LRRC8D: variants seen among roughly 807,000 people sequenced by gnomAD.
LRRC8D encodes volume-regulated anion channel subunit LRRC8D.
LRRC8D carries 20 observed loss-of-function variants against 55.8 expected under a neutral mutation model. That is an observed-to-expected ratio of 0.36 (90% CI 0.25 to 0.52). The LOEUF is 0.52. Among genes scored for constraint, LRRC8D ranks in the 20% least tolerant of loss-of-function variants. The pLI is 0.93. For missense variants in LRRC8D, 651 were observed against 1,030.8 expected, an observed-to-expected ratio of 0.63 and a Z score of 5.05; for synonymous variants, 352 against 377.0, an observed-to-expected ratio of 0.93 and a Z score of 0.77.
rs940067571 is a variant in LRRC8D, at chr1:89,933,268, A to G, written c.200A>G (p.His67Arg). ...CCATCTCCTGTAAATTCAAAGGCAC[A>G]TACACCACCAGGAAATGCCGAGGTC... is the stretch of plus-strand genomic sequence containing the variant. ...VLPSPVNSKAHTPPGNAEVTT... is the reference protein window; with the variant it reads ...VLPSPVNSKARTPPGNAEVTT... The change falls in exon 3 of 3, where the codon CAT becomes CGT. Residue 67 changes from histidine (H) to arginine (R), a missense_variant. Around this residue, in one of 5 missense-constraint regions of LRRC8D, gnomAD observed 118 missense variants for 138.0 expected, o/e 0.85. Coordinates refer to ENST00000337338, the MANE Select transcript of LRRC8D (RefSeq NM_001134479.2). The surrounding 1 kb of genome is among the most constrained non-coding windows in gnomAD (Gnocchi z 7.0). 8.7e-6 allele frequency: 14 copies of G among 1,614,194 alleles called. No individual in the cohort carries two copies. The highest frequency in any genetic ancestry group is 2.2e-5 in the East Asian group (1 of 44,882).
intron 2 of LRRC8D, among the ~76,000 whole-genome samples, chr1:89,888,870 C>G (rs1450217470): frequency 6.6e-6 from 1 of 152,084 alleles, no homozygotes; most frequent in Non-Finnish European, 1.5e-5. Context: ...GAAATATGTA[C>G]CCATCCTGAT....
chr1:89,852,339 C>T (rs1661440926), intron 2 of LRRC8D, among the ~76,000 whole-genome samples: 1 of 152,150 alleles, frequency 6.6e-6, no homozygotes, highest in Non-Finnish European at 1.5e-5. Flanking sequence ...CCTCTGTGCT[C>T]CCCTTAGTAG....
chr1:89,917,131 C>G (rs1663292309), intron 2 of LRRC8D, among the ~76,000 whole-genome samples: 1 of 152,170 alleles, frequency 6.6e-6, no homozygotes, highest in Non-Finnish European at 1.5e-5. Context: ...AATAGAGACT[C>G]TAGGCTATTT....
intron 2 of LRRC8D, among the ~76,000 whole-genome samples, chr1:89,852,980 T>A (rs1415492549): frequency 6.6e-6 from 1 of 152,052 alleles, no homozygotes; most frequent in East Asian, 1.9e-4. Flanking sequence ...CATTGTGGAG[T>A]CATTAAAGGT....
intron 1 of LRRC8D, among the ~76,000 whole-genome samples, chr1:89,840,964 AG>A (rs1362549892): frequency 6.6e-6 from 1 of 152,234 alleles, no homozygotes; most frequent in Non-Finnish European, 1.5e-5. Flanking sequence ...AATAATTGAC[AG>A]GGTTTTTAAA....
chr1:89,851,321 A>T (rs996785634), intron 2 of LRRC8D, among the ~76,000 whole-genome samples: 12 of 152,086 alleles, frequency 7.9e-5, no homozygotes, highest in African/African-American at 2.9e-4. Context: ...TCTCTTTATT[A>T]TTGGGACAAC....
rs1386065199 is a variant in LRRC8D at position 89,934,864 on chromosome 1, T to G, written c.1796T>G (p.Leu599Trp). The change falls in exon 3 of 3, where the codon TTG (leucine) becomes TGG (tryptophan). Residue 599 changes from leucine (L) to tryptophan (W), a missense_variant. Coordinates refer to ENST00000337338, the MANE Select transcript of LRRC8D (RefSeq NM_001134479.2). This position sits in a 1 kb window ranked among gnomAD's most constrained non-coding sequence, Gnocchi z 5.9. ...HLKILHVKSN[L>W]TKVPSNITDV... is the part of the protein sequence containing the mutation. ...AAGATTCTCCACGTGAAGAGCAATT[T>G]GACCAAAGTTCCCTCCAACATTACA... is the stretch of plus-strand genomic sequence containing the variant. 1 of 1,614,178 alleles carries G rather than the reference T, an allele frequency of 6.2e-7. No homozygotes were observed. The highest frequency in any genetic ancestry group is 8.5e-7 in the Non-Finnish European group (1 of 1,180,032).
intron 2 of LRRC8D, among the ~76,000 whole-genome samples, chr1:89,923,528 G>C (rs1195990738): frequency 6.6e-6 from 1 of 152,082 alleles, no homozygotes; most frequent in African/African-American, 2.4e-5. Flanking sequence ...TGTAGATACA[G>C]TGCTATTCCT....
chr1:89,842,580 A>G (rs1471251611), intron 1 of LRRC8D, among the ~76,000 whole-genome samples: 2 of 152,238 alleles, frequency 1.3e-5, no homozygotes, highest in African/African-American at 2.4e-5. Flanking sequence ...GAATGCCAAC[A>G]GCTTGATAAT....
intron 2 of LRRC8D, among the ~76,000 whole-genome samples, chr1:89,904,177 T>G (rs1368091449): frequency 6.6e-6 from 1 of 152,202 alleles, no homozygotes; most frequent in Non-Finnish European, 1.5e-5. Flanking sequence ...GTCCTCACCC[T>G]CTCCCAATAC....
chr1:89,905,708 A>G (rs1429160801), intron 2 of LRRC8D, among the ~76,000 whole-genome samples: 1 of 152,216 alleles, frequency 6.6e-6, no homozygotes, highest in Non-Finnish European at 1.5e-5. Context: ...TTGGCATGCC[A>G]GAATAATGGA....
At chr1:89,890,187 CAATA>C (rs142628723) in intron 2 of LRRC8D, among the ~76,000 whole-genome samples, 4 of 151,750 alleles carry the variant, frequency 2.6e-5, no homozygotes, top group East Asian at 1.9e-4. Context: ...GACTCTGTCT[CAATA>C]AATAAATAAA....
chr1:89,861,280 C>A lies in LRRC8D; in HGVS notation c.-3+17498C>A, dbSNP rs1379074709. Among the ~76,000 whole-genome samples the A allele has an allele frequency of 2.6e-5, 4 of 152,146 alleles. No homozygotes were observed. The East Asian group carries it at 7.7e-4, about 29-fold the overall frequency. ...AGGAAAGTAAGCTAAATTCACTAAG[C>A]CTCAGTTTCCCCCTCTTTAAAATGA... On this transcript the variant is annotated intron_variant, in intron 2 of 2. Transcript: ENST00000337338.
intron 2 of LRRC8D, among the ~76,000 whole-genome samples, chr1:89,850,005 C>T (rs1661372125): frequency 6.6e-6 from 1 of 152,124 alleles, no homozygotes; most frequent in African/African-American, 2.4e-5. Context: ...CTTTTATTAA[C>T]TTCAAAGGTT....
intron 2 of LRRC8D, among the ~76,000 whole-genome samples, chr1:89,845,325 C>G (rs1417256452): frequency 3.3e-5 from 5 of 152,196 alleles, no homozygotes; most frequent in Admixed American, 6.5e-5. Flanking sequence ...AACAATTAAA[C>G]TTATCCTTCC....
intron 2 of LRRC8D, among the ~76,000 whole-genome samples, chr1:89,851,513 CTT>C (rs375812263): frequency 1.4e-5 from 2 of 144,118 alleles, no homozygotes; most frequent in African/African-American, 2.5e-5. Context: ...CTTTCTTTTT[CTT>C]TTTTTTTTTT....
At chr1:89,856,805 A>C (rs1422795353) in intron 2 of LRRC8D, among the ~76,000 whole-genome samples, 1 of 152,214 alleles carries the variant, frequency 6.6e-6, no homozygotes, top group Non-Finnish European at 1.5e-5. Flanking sequence ...TTATTGATAC[A>C]GTTGGATTAA....
intron 2 of LRRC8D, among the ~76,000 whole-genome samples, chr1:89,878,703 C>T (rs139910932): frequency 0.011 from 1,723 of 152,276 alleles, 38 homozygotes; most frequent in African/African-American, 0.04. Context: ...CAGTGTCTCA[C>T]GCCTGTAATC....
At chr1:89,879,736 A>G (rs940480038) in intron 2 of LRRC8D, among the ~76,000 whole-genome samples, 6 of 152,218 alleles carry the variant, frequency 3.9e-5, no homozygotes, top group Non-Finnish European at 7.3e-5. Context: ...TTAACAATTT[A>G]CTAATTATAG....
Sources: allele counts gnomAD v4.1 joint callset (sites outside exome capture counted in the v4.1 genomes callset), GRCh38; gene constraint gnomAD v4.1.1; regional missense constraint gnomAD v4.1.1; non-coding constraint Gnocchi (gnomAD v3.1); transcripts MANE v1.5; gene names NCBI Gene and HGNC (gene_info 2026-07-23, HGNC 2026-07-21).